The following CGGBP1 variants were observed in gnomAD, a reference collection of about 807,000 sequenced individuals.
CGGBP1 encodes CGG triplet repeat binding protein 1, also known as CGG triplet repeat-binding protein 1.
Under a neutral mutation model 11.4 loss-of-function variants are expected in CGGBP1, and 4 were observed. The observed-to-expected ratio is 0.35, with a 90% CI of 0.17 to 0.80. The LOEUF is 0.80. Among genes scored for constraint, CGGBP1 ranks in the 30% least tolerant of loss-of-function variants. The pLI is 0.52. For synonymous variants in CGGBP1, 76 were observed against 74.1 expected (o/e 1.03, Z -0.13); for missense variants, 135 against 202.1 (o/e 0.67, Z 2.01).
intron 1 of CGGBP1, chr3:88,141,824 G>A: frequency 2.2e-6 from 1 of 459,624 alleles, no homozygotes; most frequent in Non-Finnish European, 3.8e-6. Context: ...GAGATGTGCT[G>A]GCTTAGACTC....
intron 2 of CGGBP1, among the ~76,000 whole-genome samples, chr3:88,078,248 G>A (rs888847065): frequency 2.6e-5 from 4 of 151,968 alleles, no homozygotes; most frequent in Admixed American, 6.6e-5. Flanking sequence ...AAATCAACTG[G>A]TATGAATGAA....
upstream of CGGBP1, among the ~76,000 whole-genome samples, chr3:88,061,706 G>A (rs1388641960): frequency 2.0e-5 from 3 of 152,060 alleles, no homozygotes; most frequent in Admixed American, 6.6e-5. Context: ...CGTCAGTAAG[G>A]GAAGCAGGGG....
chr3:88,102,904 C>G (rs1198018677), intron 2 of CGGBP1, among the ~76,000 whole-genome samples: 1 of 134,368 alleles, frequency 7.4e-6, no homozygotes, highest in Non-Finnish European at 1.5e-5. Flanking sequence ...GGATATATTG[C>G]TGAGGTTTGG....
At chr3:88,141,204 A>G (rs1162520400) in intron 1 of CGGBP1, 17 of 805,896 alleles carry the variant, frequency 2.1e-5, no homozygotes, top group Non-Finnish European at 3.0e-5. Context: ...ACATACAACC[A>G]CTATGAGGTG....
At chr3:88,100,813 G>A (rs902592171) in intron 2 of CGGBP1, among the ~76,000 whole-genome samples, 1 of 152,104 alleles carries the variant, frequency 6.6e-6, no homozygotes, top group Non-Finnish European at 1.5e-5. Flanking sequence ...CCTGTCATGG[G>A]GTGGGGAAAG....
chr3:88,089,607 T>C (rs186586887), intron 2 of CGGBP1, among the ~76,000 whole-genome samples: 1 of 152,316 alleles, frequency 6.6e-6, no homozygotes, highest in East Asian at 1.9e-4. Context: ...TGAGCTAATG[T>C]CATCTAGAAA....
rs1706446631 is a variant in CGGBP1 at position 88,052,324 on chromosome 3, T to C, written c.*3149A>G. 6.6e-6 allele frequency: 1 copy of C among 152,616 alleles called. No homozygotes were observed. Among genetic ancestry groups the C allele is most frequent in the African/African-American group, 2.4e-5 (1 of 41,438 alleles). 9.5% of individuals were successfully genotyped at this position (152,616 alleles called of 1,614,324 possible). A position where few individuals can be genotyped will look rare whatever the true frequency, so the allele number is the denominator to read the frequency against. ...CTTTTAGGCTAAGATTGGCAAAAAA[T>C]CATAGACCCAATTTTCCTTGTTATG... On this transcript the variant is annotated 3_prime_UTR_variant, in exon 4 of 4. Coordinates refer to ENST00000482016, the MANE Select transcript of CGGBP1 (RefSeq NM_001008390.2).
intron 2 of CGGBP1, chr3:88,129,883 T>G: frequency 7.6e-7 from 1 of 1,317,946 alleles, no homozygotes; most frequent in Non-Finnish European, 9.8e-7. Context: ...GAAAGGAAAT[T>G]GCAGTTTGAA....
intron 2 of CGGBP1, among the ~76,000 whole-genome samples, chr3:88,120,945 A>G (rs751867126): frequency 6.6e-6 from 1 of 151,980 alleles, no homozygotes; most frequent in Non-Finnish European, 1.5e-5. Flanking sequence ...TTTGATAGAA[A>G]ATTTTCTTGT....
At chr3:88,116,775 C>G (rs1705434026) in intron 2 of CGGBP1, among the ~76,000 whole-genome samples, 2 of 152,118 alleles carry the variant, frequency 1.3e-5, no homozygotes, top group South Asian at 2.1e-4. Flanking sequence ...CTGAAGCATC[C>G]TCTTTACTCT....
chr3:88,141,856 A>G (rs998573496), intron 1 of CGGBP1: 2 of 408,432 alleles, frequency 4.9e-6, no homozygotes, highest in Admixed American at 4.2e-5. Flanking sequence ...TAAAACTCCC[A>G]AAGTACCAGT....
chr3:88,074,083 C>T (rs1427859896), intron 2 of CGGBP1, among the ~76,000 whole-genome samples: 2 of 152,104 alleles, frequency 1.3e-5, no homozygotes, highest in Non-Finnish European at 2.9e-5. Flanking sequence ...TAAGAATCTA[C>T]CAGATTTGAT....
intron 2 of CGGBP1, among the ~76,000 whole-genome samples, chr3:88,084,210 T>TA (rs1221170787): frequency 6.6e-6 from 1 of 152,168 alleles, no homozygotes; most frequent in Non-Finnish European, 1.5e-5. Flanking sequence ...AAGGAAGCTA[T>TA]AATGAGAACA....
intron 2 of CGGBP1, among the ~76,000 whole-genome samples, chr3:88,132,422 G>A (rs974796598): frequency 2.6e-5 from 4 of 152,150 alleles, no homozygotes; most frequent in African/African-American, 7.2e-5. Context: ...AAAGGAAAAC[G>A]TGTATAAGCT....
At chr3:88,075,955 T>C (rs1305985480) in intron 2 of CGGBP1, among the ~76,000 whole-genome samples, 1 of 152,224 alleles carries the variant, frequency 6.6e-6, no homozygotes, top group South Asian at 2.1e-4. Context: ...TAACTTTGTT[T>C]CTCTTCAGCA....
At chr3:88,087,736 T>G (rs983737837) in intron 2 of CGGBP1, among the ~76,000 whole-genome samples, 1 of 152,192 alleles carries the variant, frequency 6.6e-6, no homozygotes, top group African/African-American at 2.4e-5. Flanking sequence ...AGGATAAGTA[T>G]TATTATGTGA....
intron 2 of CGGBP1, chr3:88,129,120 A>G: frequency 1.3e-6 from 1 of 759,344 alleles, no homozygotes. Context: ...CAGTAATGCC[A>G]AAGATTTAAG....
intron 1 of CGGBP1, chr3:88,142,718 TC>T (rs1316887020): frequency 1.3e-5 from 2 of 152,432 alleles, no homozygotes; most frequent in African/African-American, 4.8e-5. Flanking sequence ...GCCATACTAT[TC>T]CTGTTTTTTT....
intron 2 of CGGBP1, among the ~76,000 whole-genome samples, chr3:88,103,424 C>A (rs1376136117): frequency 2.0e-5 from 3 of 152,024 alleles, no homozygotes; most frequent in Admixed American, 1.3e-4. Flanking sequence ...AATGTAGATT[C>A]ATAGAAATAC....
Sources: gnomAD v4.1 joint callset for allele counts (sites outside exome capture counted in the v4.1 genomes callset) on GRCh38, gnomAD v4.1.1 for gene constraint, MANE v1.5 for transcripts, NCBI Gene and HGNC (gene_info 2026-07-23, HGNC 2026-07-21) for gene names.